RET: variants seen among roughly 807,000 people sequenced by gnomAD.
RET encodes proto-oncogene tyrosine-protein kinase receptor Ret.
Under a neutral mutation model 118.3 loss-of-function variants are expected in RET, and 19 were observed. The observed-to-expected ratio is 0.16, with a 90% CI of 0.11 to 0.24. The LOEUF (loss-of-function observed/expected upper bound fraction) is 0.24. RET is among the 10% of genes least tolerant of loss of function. RET has a pLI of 1.00. For synonymous variants in RET, 597 were observed against 644.1 expected, an observed-to-expected ratio of 0.93 and a Z score of 1.11; for missense variants, 1,219 against 1,502.1, an observed-to-expected ratio of 0.81 and a Z score of 3.12.
intron 1 of RET, among the ~76,000 whole-genome samples, chr10:43,078,980 A>G (rs905159473): frequency 6.6e-6 from 1 of 152,186 alleles, no homozygotes; most frequent in African/African-American, 2.4e-5. Flanking sequence ...GCTCTTTCCC[A>G]GGAGCCACAG....
intron 5 of RET, 120 bp from the exon 6 acceptor site, chr10:43,108,911 A>G: frequency 1.1e-6 from 1 of 937,332 alleles, no homozygotes; most frequent in Non-Finnish European, 1.7e-6. Context: ...ATGGCACTGT[A>G]TGTGTGAAAG....
chr10:43,113,451 C>A, intron 9 of RET, 105 bp from the exon 10 acceptor site: 1 of 1,350,334 alleles, frequency 7.4e-7, no homozygotes, highest in Admixed American at 2.6e-5. Flanking sequence ...CCTATGCTTG[C>A]GACACCAGTT....
At position 43,121,931 on chromosome 10, in the gene RET, C is replaced by G; in HGVS notation, c.2731-15C>G. 6.2e-7 allele frequency: 1 copy of G among 1,602,058 alleles called. No homozygotes were observed. The highest frequency in any genetic ancestry group is 8.6e-7 in the Non-Finnish European group (1 of 1,168,948). ...TTAGAGTAACTTCAATGTCTTTATT[C>G]CATCTTCTCTTTAGGGTCGGATTCC... On this transcript the variant is annotated splice_polypyrimidine_tract_variant and intron_variant, in intron 15 of 19. Transcript: ENST00000355710.
At chr10:43,101,986 C>G (rs1167364797) in intron 2 of RET, among the ~76,000 whole-genome samples, 2 of 149,476 alleles carry the variant, frequency 1.3e-5, no homozygotes, top group East Asian at 3.9e-4. Context: ...GCGGCCACTC[C>G]AAACCTCCTG....
intron 12 of RET, among the ~76,000 whole-genome samples, chr10:43,117,641 C>T (rs1382432115): frequency 6.6e-6 from 1 of 152,254 alleles, no homozygotes; most frequent in Non-Finnish European, 1.5e-5. Flanking sequence ...GGCATTCCAG[C>T]ACAGCTCTGG....
Position 43,105,109 on chromosome 10 carries a change from C to G in RET, c.783C>G (p.Thr261=), listed in dbSNP as rs1488169498. Residue 261 remains threonine (T), a synonymous_variant, in exon 4 of 20, where the codon ACC becomes ACG. Transcript: ENST00000355710. Reference sequence around the variant, plus strand: ...TGGTGATGGTGCCCTTCCCGGTGACCGTGTACGACGAGGACGACTCGGCGC... The same window carrying G: ...TGGTGATGGTGCCCTTCCCGGTGACGGTGTACGACGAGGACGACTCGGCGC... ...EEVVMVPFPV[T]VYDEDDSAPT... 6 of 1,612,274 alleles carry G rather than the reference C, an allele frequency of 3.7e-6. No individual in the cohort carries two copies. The highest frequency in any genetic ancestry group is 1.7e-5 in the Admixed American group (1 of 59,968).
At position 43,105,055 on chromosome 10, in the gene RET, C is replaced by T. The variant is rs2132705343; in HGVS notation, c.729C>T (p.Cys243=). 1.2e-6 allele frequency: 2 copies of T among 1,609,034 alleles called. No homozygotes were observed. Among genetic ancestry groups the T allele is most frequent in the Non-Finnish European group, 1.7e-6 (2 of 1,179,522 alleles). ...QREKYELVAV[C]TVHAGAREEV... The stretch of plus-strand genomic sequence containing the variant: ...AGAAGTACGAGCTGGTGGCCGTGTG[C>T]ACCGTGCACGCCGGCGCGCGCGAGG... The change falls in exon 4 of 20, where the codon TGC becomes TGT. Residue 243 remains cysteine (C), a synonymous_variant. Coordinates refer to ENST00000355710, the MANE Select transcript of RET (RefSeq NM_020975.6).
intron 8 of RET, 111 bp from the exon 9 acceptor site, chr10:43,112,742 A>T: frequency 1.2e-6 from 1 of 811,648 alleles, no homozygotes; most frequent in South Asian, 1.4e-5. Flanking sequence ...GTGTTTCCCT[A>T]CTCAGGCCTC....
In RET at chr10:43,128,364, C is replaced by T. The variant is rs17028; in HGVS notation, c.*95C>T. The T allele has an allele frequency of 0.2, 297,151 of 1,457,726 alleles. 32,418 individuals are homozygous for T. The highest frequency in any genetic ancestry group is 0.22 in the Non-Finnish European group (229,160 of 1,043,740). The allele number at this position is 1,457,726 out of a possible 1,614,324, so 90.3% of individuals were successfully genotyped here. A position where few individuals can be genotyped will look rare whatever the true frequency, so the allele number is the denominator to read the frequency against. Reference sequence around the variant, plus strand: ...CTTTCTTTGTGAACGTCACATTGGCCGAGCCGTGTTCAGTTCCCAGGTGGC... The same window carrying T: ...CTTTCTTTGTGAACGTCACATTGGCTGAGCCGTGTTCAGTTCCCAGGTGGC... On this transcript the variant is annotated 3_prime_UTR_variant, in exon 20 of 20. Transcript: ENST00000355710.
intron 3 of RET, among the ~76,000 whole-genome samples, chr10:43,103,748 T>C (rs973152150): frequency 7.9e-5 from 12 of 152,252 alleles, no homozygotes; most frequent in African/African-American, 2.4e-4. Flanking sequence ...CTAAAAATTA[T>C]GTGATTAAAT....
At chr10:43,101,029 G>A (rs1316431801) in intron 2 of RET, among the ~76,000 whole-genome samples, 2 of 152,328 alleles carry the variant, frequency 1.3e-5, no homozygotes, top group East Asian at 3.9e-4. Context: ...TTCGAGAGAG[G>A]GAGTAAGTGG....
At chr10:43,093,916 A>G (rs1026793046) in intron 1 of RET, among the ~76,000 whole-genome samples, 2 of 151,654 alleles carry the variant, frequency 1.3e-5, no homozygotes, top group Non-Finnish European at 2.9e-5. Flanking sequence ...GGTGGGACAC[A>G]GTGGCAGGTG....
chr10:43,108,790 C>G (rs185312821), intron 5 of RET, among the ~76,000 whole-genome samples: 40 of 152,010 alleles, frequency 2.6e-4, no homozygotes, highest in African/African-American at 9.2e-4. Context: ...CGTACACATG[C>G]ACACACACAC....
Position 43,114,688 on chromosome 10 carries a change from G to T in RET, c.2088G>T (p.Ser696=), listed in dbSNP as rs150329150. ...CCTCTTCCGGTGCCCGCCGGCCCTC[G>T]CTGGACTCCATGGAGAACCAGGTCT... ...SYSSSGARRP[S]LDSMENQVSV... is the part of the protein sequence containing the mutation. Residue 696 remains serine (S), a synonymous_variant, in exon 11 of 20, where the codon TCG becomes TCT. Transcript: ENST00000355710. This position sits in a 1 kb window ranked among gnomAD's most constrained non-coding sequence, Gnocchi z 4.6. 6.2e-7 allele frequency: 1 copy of T among 1,612,046 alleles called. No individual in the cohort carries two copies. Among genetic ancestry groups the T allele is most frequent in the South Asian group, 1.1e-5 (1 of 91,056 alleles).
chr10:43,100,040 A>G (rs1837602786), intron 1 of RET, among the ~76,000 whole-genome samples: 1 of 152,234 alleles, frequency 6.6e-6, no homozygotes, highest in Non-Finnish European at 1.5e-5. Context: ...TTGCAGGGTC[A>G]TATGGTAGGC....
At chr10:43,080,176 G>A (rs1229367861) in intron 1 of RET, among the ~76,000 whole-genome samples, 1 of 152,240 alleles carries the variant, frequency 6.6e-6, no homozygotes, top group African/African-American at 2.4e-5. Flanking sequence ...CTTTTAGCCA[G>A]TGGAGGAGAA....
chr10:43,083,570 C>T lies in RET; in HGVS notation c.73+6239C>T, dbSNP rs557509948. Among the ~76,000 whole-genome samples, 3 of 152,296 alleles carry T rather than the reference C, an allele frequency of 2.0e-5. 1 individual carries two copies. The South Asian group carries it at 6.2e-4, about 32-fold the overall frequency. On this transcript the variant is annotated intron_variant, in intron 1 of 19. Transcript: ENST00000355710. The stretch of plus-strand genomic sequence containing the variant: ...GGCCACCGTCACTTTCCCTGTGTTC[C>T]GTGGGATCCTGTCACATGGTCGTTC...
rs754974587 is a variant in RET at position 43,116,546 on chromosome 10, T to TC, written c.2137-32dup. 14 of 1,612,964 alleles carry TC rather than the reference T, an allele frequency of 8.7e-6. No homozygotes were observed. In the African/African-American group the frequency reaches 1.1e-4, roughly 12 times the overall value. On this transcript the variant is annotated intron_variant, in intron 11 of 19. Transcript: ENST00000355710. ...TCCTCCCCTGTCATCCTCACACTTT[T>TC]CCCCCCTCTTCTCCCCCTTCCCTCA...
Position 43,109,379 on chromosome 10 carries a change from G to A in RET, c.1263+149G>A, listed in dbSNP as rs369365056. The stretch of plus-strand genomic sequence containing the variant: ...GCCCAGGGCCAGGAGGTACAGCTGT[G>A]TGCACAGAAGAGGCCTGGGAGAGCT... On this transcript the variant is annotated intron_variant, in intron 6 of 19. Transcript: ENST00000355710. The A allele has an allele frequency of 3.3e-5, 28 of 836,190 alleles. 1 individual carries two copies. Among genetic ancestry groups the A allele is most frequent in the East Asian group, 1.6e-4 (6 of 37,636 alleles). The allele number at this position is 836,190 out of a possible 1,614,324, so 51.8% of individuals were successfully genotyped here.
Sources: gnomAD v4.1 joint callset for allele counts (sites outside exome capture counted in the v4.1 genomes callset) on GRCh38, gnomAD v4.1.1 for gene constraint, Gnocchi (gnomAD v3.1) non-coding constraint, MANE v1.5 for transcripts, NCBI Gene and HGNC (gene_info 2026-07-23, HGNC 2026-07-21) for gene names.